TNR: variants seen among roughly 807,000 people sequenced by gnomAD.
TNR encodes tenascin R, also known as tenascin-R.
In TNR, 45 loss-of-function variants were observed where a neutral mutation model predicts 150.4. That is an observed-to-expected ratio of 0.30 (90% CI 0.24 to 0.38). The LOEUF is 0.38. Among genes scored for constraint, TNR ranks in the 10% least tolerant of loss-of-function variants. The pLI is 1.00. For synonymous variants in TNR, 687 were observed against 678.4 expected (o/e 1.01, Z -0.20); for missense variants, 1,544 against 1,759.1 (o/e 0.88, Z 2.19).
intron 18 of TNR, among the ~76,000 whole-genome samples, chr1:175,338,475 G>C (rs918992882): frequency 2.0e-5 from 3 of 152,212 alleles, no homozygotes; most frequent in Non-Finnish European, 4.4e-5. Flanking sequence ...CCCACCGGAG[G>C]AGCTTTTCTG....
intron 19 of TNR, among the ~76,000 whole-genome samples, chr1:175,336,155 G>A (rs562602620): frequency 6.6e-6 from 1 of 152,326 alleles, no homozygotes; most frequent in Non-Finnish European, 1.5e-5. Context: ...CGAATCTTTT[G>A]CACTACAGAG....
intron 1 of TNR, among the ~76,000 whole-genome samples, chr1:175,602,598 T>C (rs1663282470): frequency 6.6e-6 from 1 of 152,238 alleles, no homozygotes; most frequent in African/African-American, 2.4e-5. Context: ...TCTCTTGCAT[T>C]GAGGAATAAT....
At chr1:175,406,123 T>G in intron 3 of TNR, 93 bp downstream of exon 3, 1 of 1,498,884 alleles carries the variant, frequency 6.7e-7, no homozygotes, top group Non-Finnish European at 8.9e-7. Flanking sequence ...GCGTTTTCGC[T>G]GGAAGTGCAT....
intron 1 of TNR, among the ~76,000 whole-genome samples, chr1:175,660,456 G>A (rs1213899717): frequency 6.6e-6 from 1 of 152,188 alleles, no homozygotes; most frequent in Non-Finnish European, 1.5e-5. Flanking sequence ...TTATTGACTG[G>A]TCATATGACC....
intron 1 of TNR, among the ~76,000 whole-genome samples, chr1:175,703,133 T>A (rs1486025424): frequency 6.6e-6 from 1 of 152,200 alleles, no homozygotes; most frequent in Non-Finnish European, 1.5e-5. Context: ...GATAGGCTAA[T>A]AATATATAAA....
At chr1:175,703,645 C>T (rs570939331) in intron 1 of TNR, among the ~76,000 whole-genome samples, 1 of 152,070 alleles carries the variant, frequency 6.6e-6, no homozygotes, top group South Asian at 2.1e-4. Flanking sequence ...ATAAACCACC[C>T]AATAGACAAA....
intron 2 of TNR, among the ~76,000 whole-genome samples, chr1:175,511,404 A>T (rs1439717013): frequency 6.6e-6 from 1 of 152,252 alleles, no homozygotes; most frequent in Non-Finnish European, 1.5e-5. Context: ...CTTTTAGAAT[A>T]AAATACTGTC....
At chr1:175,442,493 T>C (rs1190932667) in intron 2 of TNR, among the ~76,000 whole-genome samples, 1 of 151,810 alleles carries the variant, frequency 6.6e-6, no homozygotes, top group African/African-American at 2.4e-5. Flanking sequence ...ACTGGATTAT[T>C]GGAAGATTGA....
chr1:175,475,443 AC>A (rs1204084736), intron 2 of TNR, among the ~76,000 whole-genome samples: 1 of 152,196 alleles, frequency 6.6e-6, no homozygotes, highest in Non-Finnish European at 1.5e-5. Flanking sequence ...TGACAGGAAT[AC>A]AATCAAGCCC....
intron 1 of TNR, among the ~76,000 whole-genome samples, chr1:175,687,013 G>A (rs981191636): frequency 6.6e-6 from 1 of 152,168 alleles, no homozygotes; most frequent in African/African-American, 2.4e-5. Context: ...CCCAGTAGTG[G>A]GATTGCTAGG....
At chr1:175,418,088 C>G (rs1188028703) in intron 2 of TNR, among the ~76,000 whole-genome samples, 1 of 152,098 alleles carries the variant, frequency 6.6e-6, no homozygotes, top group Non-Finnish European at 1.5e-5. Flanking sequence ...TTTGAGGAAG[C>G]TCTGAGAGTA....
chr1:175,404,569 G>C (rs1653864736), intron 3 of TNR, among the ~76,000 whole-genome samples: 1 of 152,200 alleles, frequency 6.6e-6, no homozygotes, highest in Admixed American at 6.5e-5. Context: ...TGGCCTTGAG[G>C]ATATGAAGTC....
chr1:175,725,624 A>T lies in TNR; in HGVS notation c.-165+17602T>A, dbSNP rs567139582. On this transcript the variant is annotated intron_variant, in intron 1 of 22. Coordinates refer to ENST00000367674, the MANE Select transcript of TNR (RefSeq NM_003285.3). ...ATAAAGGATCACAATTTGGGGAAAAAAATAACAGGCAAGAGAAGATGTGGG... is the reference window on the plus strand; with the variant it reads ...ATAAAGGATCACAATTTGGGGAAAATAATAACAGGCAAGAGAAGATGTGGG... Among the ~76,000 whole-genome samples the T allele has an allele frequency of 3.3e-5, 5 of 152,328 alleles. No homozygotes were observed. The South Asian group carries it at 1.0e-3, about 32-fold the overall frequency.
intron 1 of TNR, among the ~76,000 whole-genome samples, chr1:175,653,765 T>C (rs539830405): frequency 6.6e-6 from 1 of 152,356 alleles, no homozygotes; most frequent in South Asian, 2.1e-4. Context: ...GATTTGTTAT[T>C]CACTTTCTAA....
At chr1:175,572,183 C>G (rs72725453) in intron 1 of TNR, among the ~76,000 whole-genome samples, 1 of 152,182 alleles carries the variant, frequency 6.6e-6, no homozygotes, top group South Asian at 2.1e-4. Context: ...GTCAGCAGAA[C>G]GACCTCAGCC....
intron 2 of TNR, among the ~76,000 whole-genome samples, chr1:175,435,964 C>T (rs1321667762): frequency 6.6e-6 from 1 of 152,164 alleles, no homozygotes; most frequent in African/African-American, 2.4e-5. Flanking sequence ...TGAATATTGG[C>T]CCCCACTCTC....
At chr1:175,474,721 G>T (rs528555624) in intron 2 of TNR, among the ~76,000 whole-genome samples, 2 of 152,296 alleles carry the variant, frequency 1.3e-5, no homozygotes, top group Non-Finnish European at 2.9e-5. Flanking sequence ...TAATGTTGCC[G>T]CTGGTAAGAG....
chr1:175,604,269 A>G (rs1663344436), intron 1 of TNR, among the ~76,000 whole-genome samples: 1 of 152,168 alleles, frequency 6.6e-6, no homozygotes, highest in South Asian at 2.1e-4. Flanking sequence ...TCAGCAGGCC[A>G]GTGTTCAGGT....
intron 1 of TNR, among the ~76,000 whole-genome samples, chr1:175,645,669 C>T (rs534850233): frequency 3.5e-4 from 53 of 152,268 alleles, no homozygotes; most frequent in African/African-American, 1.2e-3. Context: ...GATATTTCTG[C>T]AGGGAATGAA....
Sources: allele counts gnomAD v4.1 joint callset (sites outside exome capture counted in the v4.1 genomes callset), GRCh38; gene constraint gnomAD v4.1.1; transcripts MANE v1.5; gene names NCBI Gene and HGNC (gene_info 2026-07-23, HGNC 2026-07-21).